CCDC142: variants seen among roughly 807,000 people sequenced by gnomAD.
CCDC142 encodes coiled-coil domain-containing protein 142.
A neutral mutation model predicts 83.8 loss-of-function variants in CCDC142; 67 were observed. The ratio of observed to expected loss-of-function variants is 0.80; its 90% CI spans 0.66 to 0.98. The LOEUF (loss-of-function observed/expected upper bound fraction) is 0.98. Ranked by LOEUF, CCDC142 falls within the 50% of genes least tolerant of loss-of-function variation. CCDC142 has a pLI of 0.00. For missense variants in CCDC142, 905 were observed against 946.8 expected (o/e 0.96, Z 0.58); for synonymous variants, 421 against 421.2 (o/e 1.00, Z 0.01).
Position 74,474,815 on chromosome 2 carries a change from G to C in CCDC142, c.1997-13C>G, listed in dbSNP as rs755892460. On this transcript the variant is annotated splice_polypyrimidine_tract_variant and intron_variant, in intron 8 of 8. Coordinates refer to ENST00000393965, the MANE Select transcript of CCDC142 (RefSeq NM_001365575.2). ...TCCTGACAAGCACCTGGTAAGGCAG[G>C]AGTGGAAGGTAGGTGGCTGCTGGGG... 2 of 1,601,462 alleles carry C rather than the reference G, an allele frequency of 1.2e-6. No individual in the cohort carries two copies. The highest frequency in any genetic ancestry group is 1.1e-5 in the South Asian group (1 of 89,820).
Position 74,481,849 on chromosome 2 carries a change from G to A in CCDC142, c.989C>T (p.Thr330Ile), listed in dbSNP as rs746531554. 1.9e-6 allele frequency: 3 copies of A among 1,613,866 alleles called. No homozygotes were observed. In the Admixed American group the frequency reaches 5.0e-5, roughly 27 times the overall value. The stretch of plus-strand genomic sequence containing the variant: ...CAGTGCCTGACTCAGCTGTTGCGCT[G>A]TTGCCCTGGGGTCCCTCCAGGGTCC... ...NLGPWRDPRATAQQLSQALGQ... is the reference protein window; with the variant it reads ...NLGPWRDPRAIAQQLSQALGQ... Residue 330 changes from threonine (T) to isoleucine (I), a missense_variant, in exon 1 of 9, where the codon ACA (threonine) becomes ATA (isoleucine). This residue lies in a region of CCDC142 where 591 missense variants were observed against 571.4 expected (regional missense o/e 1.03). Coordinates refer to ENST00000393965, the MANE Select transcript of CCDC142 (RefSeq NM_001365575.2).
At chr2:74,478,201 A>G (rs1445336507) in intron 5 of CCDC142, among the ~76,000 whole-genome samples, 2 of 150,430 alleles carry the variant, frequency 1.3e-5, no homozygotes, top group Non-Finnish European at 3.0e-5. Context: ...AGCTGGGATT[A>G]CAGGTGTACA....
Position 74,480,754 on chromosome 2 carries a change from G to C in CCDC142, c.1503+15C>G, listed in dbSNP as rs1431313858. Reference sequence around the variant, plus strand: ...TAGGGTCTTACACTGCCACTGTTGAGGCCCCTGTTCTCACCTGGATCTGTG... The same window carrying C: ...TAGGGTCTTACACTGCCACTGTTGACGCCCCTGTTCTCACCTGGATCTGTG... On this transcript the variant is annotated intron_variant, in intron 5 of 8. Transcript: ENST00000393965. The C allele has an allele frequency of 6.3e-7, 1 of 1,584,166 alleles. No homozygotes were observed. The highest frequency in any genetic ancestry group is 1.3e-5 in the African/African-American group (1 of 74,314).
chr2:74,481,553 G>T lies in CCDC142; in HGVS notation c.1022-15C>A. ...AGGCAGGGATGCTAGTGGGAGAAAT[G>T]ACTCTGGGGCCTGAAAACAAGGTCT... On this transcript the variant is annotated splice_polypyrimidine_tract_variant and intron_variant, in intron 1 of 8. Coordinates refer to ENST00000393965, the MANE Select transcript of CCDC142 (RefSeq NM_001365575.2). 4 of 1,612,442 alleles carry T rather than the reference G, an allele frequency of 2.5e-6. No individual in the cohort carries two copies. The highest frequency in any genetic ancestry group is 1.1e-5 in the South Asian group (1 of 90,972).
intron 5 of CCDC142, 118 bp from the exon 6 acceptor site, chr2:74,475,844 T>C (rs1572929009): frequency 1.5e-6 from 1 of 658,558 alleles, no homozygotes; most frequent in East Asian, 2.7e-5. Context: ...CATAGTTGTG[T>C]ATGCCTGGCC....
At chr2:74,477,971 C>T (rs1270374478) in intron 5 of CCDC142, among the ~76,000 whole-genome samples, 4 of 144,012 alleles carry the variant, frequency 2.8e-5, no homozygotes, top group East Asian at 2.0e-4. Flanking sequence ...GGCTATGTCA[C>T]GAGCCAAACT....
Position 74,481,993 on chromosome 2 carries a change from A to T in CCDC142, c.845T>A (p.Val282Asp). ...GDLLPGLLGL[V>D]GGVAGSASCG... ...GCTGGCTGAACCCGCCACGCCCCCG[A>T]CCAGGCCCAGCAGCCCTGGTAGCAG... Residue 282 changes from valine (V) to aspartate (D), a missense_variant, in exon 1 of 9, where the codon GTC becomes GAC. By Grantham distance (152) the Val-to-Asp change is radical. This residue lies in a region of CCDC142 where 591 missense variants were observed against 571.4 expected (regional missense o/e 1.03). Coordinates refer to ENST00000393965, the MANE Select transcript of CCDC142 (RefSeq NM_001365575.2). 1 of 1,613,704 alleles carries T rather than the reference A, an allele frequency of 6.2e-7. No individual in the cohort carries two copies. Among genetic ancestry groups the T allele is most frequent in the Non-Finnish European group, 8.5e-7 (1 of 1,179,944 alleles).
In CCDC142 at chr2:74,475,278, C is replaced by T. The variant is rs777745593; in HGVS notation, c.1743G>A (p.Thr581=). The T allele has an allele frequency of 1.9e-5, 30 of 1,614,114 alleles. No homozygotes were observed. Among genetic ancestry groups the T allele is most frequent in the African/African-American group, 4.0e-5 (3 of 74,938 alleles). ...GGTCAAGCCAGGCACCCACGATGGC[C>T]GTCAGAGCCTGACCAAGGGCAGGGG... ...AQAPALGQAL[T]AIVGAWLDHI... Residue 581 remains threonine (T), a synonymous_variant, in exon 7 of 9, where the codon ACG becomes ACA. Transcript: ENST00000393965.
Position 74,482,114 on chromosome 2 carries a change from C to G in CCDC142, c.724G>C (p.Glu242Gln), listed in dbSNP as rs762941374. ...TSRVLRLLTG[E>Q]RGCQVASRLD... ...CGACTTGCCACCTGGCAACCCCGCT[C>G]CCCCGTCAAGAGGCGGAGCACACGG... The change falls in exon 1 of 9, where the codon GAG becomes CAG. Residue 242 changes from glutamate to glutamine, a missense_variant. This residue lies in a region of CCDC142 where 591 missense variants were observed against 571.4 expected (regional missense o/e 1.03). Transcript: ENST00000393965. This position sits in a 1 kb window ranked among gnomAD's most constrained non-coding sequence, Gnocchi z 5.0. The G allele has an allele frequency of 2.5e-6, 4 of 1,613,558 alleles. No homozygotes were observed. The highest frequency in any genetic ancestry group is 8.5e-7 in the Non-Finnish European group (1 of 1,179,978).
chr2:74,480,454 G>A (rs1672415554), intron 5 of CCDC142, among the ~76,000 whole-genome samples: 1 of 152,098 alleles, frequency 6.6e-6, no homozygotes, highest in African/African-American at 2.4e-5. Flanking sequence ...AGACACGTGT[G>A]GTGGCACGAG....
rs1672423172 is a variant in CCDC142, at chr2:74,480,834, T to C, written c.1438A>G (p.Ser480Gly). 1 of 1,613,952 alleles carries C rather than the reference T, an allele frequency of 6.2e-7. No individual in the cohort carries two copies. Among genetic ancestry groups the C allele is most frequent in the Non-Finnish European group, 8.5e-7 (1 of 1,179,838 alleles). Residue 480 changes from serine to glycine, a missense_variant, in exon 5 of 9, where the codon AGC becomes GGC. This residue lies in a region of CCDC142 where 49 missense variants were observed against 86.4 expected (regional missense o/e 0.57). Coordinates refer to ENST00000393965, the MANE Select transcript of CCDC142 (RefSeq NM_001365575.2). Reference sequence around the variant, plus strand: ...TGCTGCTCCACTTCCAGAGCTAAGCTTTCCTCTGAGGCCAGGCTATACAAA... The same window carrying C: ...TGCTGCTCCACTTCCAGAGCTAAGCCTTCCTCTGAGGCCAGGCTATACAAA... ...EALYSLASEE[S>G]LALEVEQQLG...
In CCDC142 at chr2:74,475,349, C is replaced by T. The variant is rs1277985110; in HGVS notation, c.1672G>A (p.Glu558Lys). 10 of 1,611,892 alleles carry T rather than the reference C, an allele frequency of 6.2e-6. No individual in the cohort carries two copies. Among genetic ancestry groups the T allele is most frequent in the Non-Finnish European group, 8.5e-6 (10 of 1,178,690 alleles). ...YAGLVVRTVLEPVLQGLQGLP... is the reference protein window; with the variant it reads ...YAGLVVRTVLKPVLQGLQGLP... Reference sequence around the variant, plus strand: ...CCTTGCAATCCTTGCAACACAGGCTCCAGTACGGTGCGGACCACTAAACCA... The same window carrying T: ...CCTTGCAATCCTTGCAACACAGGCTTCAGTACGGTGCGGACCACTAAACCA... The change falls in exon 7 of 9, where the codon GAG becomes AAG. Residue 558 changes from glutamate (E) to lysine (K), a missense_variant. Physicochemically the swap from Glu to Lys is moderately conservative, Grantham distance 56 (BLOSUM62 1). This residue lies in a region of CCDC142 where 265 missense variants were observed against 288.9 expected (regional missense o/e 0.92). Coordinates refer to ENST00000393965, the MANE Select transcript of CCDC142 (RefSeq NM_001365575.2).
chr2:74,481,494 G>A lies in CCDC142; in HGVS notation c.1066C>T (p.His356Tyr), dbSNP rs752934382. 1 of 1,614,052 alleles carries A rather than the reference G, an allele frequency of 6.2e-7. No individual in the cohort carries two copies. The highest frequency in any genetic ancestry group is 8.5e-7 in the Non-Finnish European group (1 of 1,180,034). ...ECEKELASLC[H>Y]RLLHQSLIWS... The stretch of plus-strand genomic sequence containing the variant: ...ATAAGCGACTGATGAAGTAGTCTGT[G>A]ACACAAAGATGCCAGCTCCTTCTCA... The change falls in exon 2 of 9, where the codon CAC becomes TAC. Residue 356 changes from histidine to tyrosine, a missense_variant. Physicochemically the swap from His to Tyr is moderately conservative, Grantham distance 83. Around this residue, in one of 3 missense-constraint regions of CCDC142, gnomAD observed 591 missense variants for 571.4 expected, o/e 1.03. Coordinates refer to ENST00000393965, the MANE Select transcript of CCDC142 (RefSeq NM_001365575.2).
chr2:74,480,761 G>T lies in CCDC142; in HGVS notation c.1503+8C>A. 6.2e-7 allele frequency: 1 copy of T among 1,602,880 alleles called. No individual in the cohort carries two copies. On this transcript the variant is annotated splice_region_variant and intron_variant, in intron 5 of 8. Coordinates refer to ENST00000393965, the MANE Select transcript of CCDC142 (RefSeq NM_001365575.2). Reference sequence around the variant, plus strand: ...TTACACTGCCACTGTTGAGGCCCCTGTTCTCACCTGGATCTGTGCAGTCAG... The same window carrying T: ...TTACACTGCCACTGTTGAGGCCCCTTTTCTCACCTGGATCTGTGCAGTCAG...
Position 74,482,927 on chromosome 2 carries a change from A to T in CCDC142, c.-90T>A. 6 of 1,564,350 alleles carry T rather than the reference A, an allele frequency of 3.8e-6. No individual in the cohort carries two copies. In the East Asian group the frequency reaches 1.3e-4, roughly 35 times the overall value. ...AGCTCGGACTTCGCCCCATCGCAAG[A>T]GCCGTTTTCTCCAGTCCGGGAGTCG... On this transcript the variant is annotated 5_prime_UTR_variant, in exon 1 of 9. Transcript: ENST00000393965. The surrounding 1 kb of genome is among the most constrained non-coding windows in gnomAD (Gnocchi z 5.0).
In CCDC142 at chr2:74,472,850, T is replaced by C; in HGVS notation, c.*1696A>G. 3.2e-6 allele frequency: 2 copies of C among 627,308 alleles called. No individual in the cohort carries two copies. The highest frequency in any genetic ancestry group is 1.9e-5 in the South Asian group (1 of 51,860). 38.9% of individuals were successfully genotyped at this position (627,308 alleles called of 1,614,324 possible). A position where few individuals can be genotyped will look rare whatever the true frequency, so the allele number is the denominator to read the frequency against. ...AAAGAGGTGGTTTCGGCACAACGCA[T>C]GGGGGAGCCCAAAGTAGGCTGTCAG... is the stretch of plus-strand genomic sequence containing the variant. On this transcript the variant is annotated 3_prime_UTR_variant, in exon 9 of 9. Transcript: ENST00000393965.
Position 74,474,645 on chromosome 2 carries a change from C to T in CCDC142, c.2154G>A (p.Leu718=), listed in dbSNP as rs779686577. ...CAAGCCAGGCCTGCTGATTTCCCACCAGGTAGCCCTCCGGGCTAGGTCCCC... is the reference window on the plus strand; with the variant it reads ...CAAGCCAGGCCTGCTGATTTCCCACTAGGTAGCCCTCCGGGCTAGGTCCCC... ...GGRGPSPEGY[L]VGNQQAWLAL... is the part of the protein sequence containing the mutation. The change falls in exon 9 of 9, where the codon CTG becomes CTA. Residue 718 remains leucine (L), a synonymous_variant. Transcript: ENST00000393965. 1 of 1,614,226 alleles carries T rather than the reference C, an allele frequency of 6.2e-7. No homozygotes were observed. Among genetic ancestry groups the T allele is most frequent in the South Asian group, 1.1e-5 (1 of 91,090 alleles).
chr2:74,481,953 G>T lies in CCDC142; in HGVS notation c.885C>A (p.Leu295=). 6.2e-7 allele frequency: 1 copy of T among 1,613,930 alleles called. No homozygotes were observed. Among genetic ancestry groups the T allele is most frequent in the Non-Finnish European group, 8.5e-7 (1 of 1,180,012 alleles). The change falls in exon 1 of 9, where the codon CTC becomes CTA. Residue 295 remains leucine (L), a synonymous_variant. Transcript: ENST00000393965. ...GGCTCCACAAGGCCCCAGCCCCTCC[G>T]AGCCCTAGTCCACAGCTGGCTGAAC... is the stretch of plus-strand genomic sequence containing the variant. The part of the protein sequence containing the change: ...VAGSASCGLG[L]GGAGALWSQY...
At position 74,482,373 on chromosome 2, in the gene CCDC142, T is replaced by G; in HGVS notation, c.465A>C (p.Arg155=). ...GCTCGAGAGTCTCCCCAGGGCCGATTCGCAGAACCGCCCCTTGGGAAGGGT... is the reference window on the plus strand; with the variant it reads ...GCTCGAGAGTCTCCCCAGGGCCGATGCGCAGAACCGCCCCTTGGGAAGGGT... The part of the protein sequence containing the change: ...QLHPSQGAVL[R]IGPGETLEPL... Residue 155 remains arginine (R), a synonymous_variant, in exon 1 of 9, where the codon CGA becomes CGC. Coordinates refer to ENST00000393965, the MANE Select transcript of CCDC142 (RefSeq NM_001365575.2). This position sits in a 1 kb window ranked among gnomAD's most constrained non-coding sequence, Gnocchi z 5.0. The G allele has an allele frequency of 6.3e-7, 1 of 1,583,416 alleles. No homozygotes were observed. Among genetic ancestry groups the G allele is most frequent in the Non-Finnish European group, 8.6e-7 (1 of 1,166,128 alleles).
Sources: allele counts gnomAD v4.1 joint callset (sites outside exome capture counted in the v4.1 genomes callset), GRCh38; gene constraint gnomAD v4.1.1; regional missense constraint gnomAD v4.1.1; non-coding constraint Gnocchi (gnomAD v3.1); transcripts MANE v1.5; gene names NCBI Gene and HGNC (gene_info 2026-07-23, HGNC 2026-07-21).